Variants in ZNF385D observed in about 807,000 individuals in gnomAD.
The protein encoded by ZNF385D is zinc finger protein 659.
In ZNF385D, 15 loss-of-function variants were observed where a neutral mutation model predicts 35.8. The observed-to-expected ratio is 0.42, with a 90% CI of 0.28 to 0.64. The LOEUF is 0.64. Ranked by LOEUF, ZNF385D falls within the 30% of genes least tolerant of loss-of-function variation. ZNF385D has a pLI of 0.23. For synonymous variants in ZNF385D, 212 were observed against 186.8 expected (o/e 1.13, Z -1.10); for missense variants, 474 against 494.6 (o/e 0.96, Z 0.39).
At position 21,413,425 on chromosome 3, in the gene ZNF385D, T is replaced by C. The variant is rs935060982; in HGVS notation, c.*7789A>G. 1 of 152,074 alleles carries C rather than the reference T, an allele frequency of 6.6e-6. No homozygotes were observed. The highest frequency in any genetic ancestry group is 2.4e-5 in the African/African-American group (1 of 41,426). 9.4% of individuals were successfully genotyped at this position (152,074 alleles called of 1,614,324 possible). On this transcript the variant is annotated 3_prime_UTR_variant, in exon 8 of 8. Coordinates refer to ENST00000281523, the MANE Select transcript of ZNF385D (RefSeq NM_024697.3). ...CCAATGATTCGGAATCTCACATTGG[T>C]GTGACTAGTGATTATAGTTAAGTCA... is the stretch of plus-strand genomic sequence containing the variant.
intron 2 of ZNF385D, among the ~76,000 whole-genome samples, chr3:22,359,547 T>A (rs1221891365): frequency 6.6e-6 from 1 of 151,856 alleles, no homozygotes; most frequent in African/African-American, 2.4e-5. Context: ...TATTTAGTAA[T>A]ATATAATGAT....
Position 21,751,113 on chromosome 3 carries a change from G to A in ZNF385D, c.-197C>T. 2 of 1,467,214 alleles carry A rather than the reference G, an allele frequency of 1.4e-6. No individual in the cohort carries two copies. The highest frequency in any genetic ancestry group is 1.8e-6 in the Non-Finnish European group (2 of 1,109,498). 90.9% of individuals were successfully genotyped at this position (1,467,214 alleles called of 1,614,324 possible). ...CTTTCCAGGGCTAAGATCCCCGGCG[G>A]CTGGAGAGTGCGCTCGGGCTGCCTG... is the stretch of plus-strand genomic sequence containing the variant. On this transcript the variant is annotated 5_prime_UTR_variant, in exon 1 of 8. Coordinates refer to ENST00000281523, the MANE Select transcript of ZNF385D (RefSeq NM_024697.3).
At chr3:21,564,451 T>C in intron 3 of ZNF385D, 123 bp downstream of exon 3, 1 of 521,180 alleles carries the variant, frequency 1.9e-6, no homozygotes, top group Admixed American at 4.0e-5. Flanking sequence ...GTTAAAATGT[T>C]ATCTTTGAAT....
intron 4 of ZNF385D, among the ~76,000 whole-genome samples, chr3:21,442,667 C>CT (rs5847097): frequency 0.3 from 43,804 of 143,960 alleles, 7,685 homozygotes; most frequent in African/African-American, 0.5. Flanking sequence ...TATTTGTGGG[C>CT]TTTTTTTTTT....
chr3:22,246,343 T>TC (rs1179488838), intron 2 of ZNF385D, among the ~76,000 whole-genome samples: 1 of 152,112 alleles, frequency 6.6e-6, no homozygotes, highest in Non-Finnish European at 1.5e-5. Context: ...TGAAGCATGT[T>TC]CCCTACCACA....
chr3:21,997,866 C>CGTGTGTGTGTGTGTGTGTGT (rs1162271257), intron 3 of ZNF385D, among the ~76,000 whole-genome samples: 2 of 97,852 alleles, frequency 2.0e-5, no homozygotes, highest in South Asian at 7.6e-4. Context: ...GGCGCGCGCG[C>CGTGTGTGTGTGTGTGTGTGT]GCGCGCGTGT....
chr3:22,273,769 C>G (rs150922911), intron 2 of ZNF385D, among the ~76,000 whole-genome samples: 1 of 151,986 alleles, frequency 6.6e-6, no homozygotes, highest in Non-Finnish European at 1.5e-5. Context: ...CAAAACTATT[C>G]CACAGGATGA....
chr3:22,039,788 T>G (rs1295506344), intron 3 of ZNF385D, among the ~76,000 whole-genome samples: 2 of 151,982 alleles, frequency 1.3e-5, no homozygotes, highest in South Asian at 2.1e-4. Context: ...GTTTTAGGAG[T>G]TGAGTTTTTC....
At chr3:22,340,964 G>A (rs6550678) in intron 2 of ZNF385D, among the ~76,000 whole-genome samples, 13,097 of 152,058 alleles carry the variant, frequency 0.086, 997 homozygotes, top group African/African-American at 0.21. Context: ...GGTCAATGGC[G>A]GTCCAGGTCA....
chr3:21,441,597 T>TA, intron 4 of ZNF385D: 1 of 709,090 alleles, frequency 1.4e-6, no homozygotes, highest in African/African-American at 1.9e-5. Flanking sequence ...CAATTACGTA[T>TA]ATCCAAATAC....
chr3:21,514,351 C>A (rs1209250054), intron 3 of ZNF385D, among the ~76,000 whole-genome samples: 1 of 152,078 alleles, frequency 6.6e-6, no homozygotes, highest in South Asian at 2.1e-4. Flanking sequence ...AAAGCAGAAT[C>A]GAGTGATCAT....
chr3:21,749,137 T>C (rs2069929301), intron 1 of ZNF385D, among the ~76,000 whole-genome samples: 1 of 152,232 alleles, frequency 6.6e-6, no homozygotes. Context: ...GAGTAGAGTT[T>C]CATCTAAAGT....
intron 3 of ZNF385D, among the ~76,000 whole-genome samples, chr3:21,535,261 T>C (rs1032899868): frequency 6.6e-6 from 1 of 152,144 alleles, no homozygotes; most frequent in Non-Finnish European, 1.5e-5. Context: ...TCTTTTTCCT[T>C]TTTATTCATC....
chr3:22,194,802 C>T lies in ZNF385D; in HGVS notation c.107-25767G>A, dbSNP rs1696297697. 2.6e-5 allele frequency among the ~76,000 whole-genome samples: 4 copies of T among 151,778 alleles called. No homozygotes were observed. In the South Asian group the frequency reaches 8.3e-4, roughly 31 times the overall value. On this transcript the variant is annotated intron_variant, in intron 2 of 5. Transcript: ENST00000494108. ...AACTCAGGCTGATGGTTTTTAGATA[C>T]TTCCAAATTATGTGTATTAATAGGT...
chr3:21,932,729 G>C (rs1350869685), intron 3 of ZNF385D, among the ~76,000 whole-genome samples: 1 of 151,880 alleles, frequency 6.6e-6, no homozygotes, highest in Non-Finnish European at 1.5e-5. Flanking sequence ...AGCAGAATAG[G>C]TGAACAGATT....
chr3:22,347,114 C>T (rs1007022725), intron 2 of ZNF385D, among the ~76,000 whole-genome samples: 5 of 152,114 alleles, frequency 3.3e-5, no homozygotes, highest in South Asian at 2.1e-4. Flanking sequence ...ACATATTTTG[C>T]ACCATATTGT....
intron 2 of ZNF385D, among the ~76,000 whole-genome samples, chr3:22,353,028 C>T (rs1307084357): frequency 6.6e-6 from 1 of 152,092 alleles, no homozygotes; most frequent in Non-Finnish European, 1.5e-5. Flanking sequence ...CCTTATTCCA[C>T]CAAAGATAAG....
chr3:21,863,355 T>G (rs145240044), intron 3 of ZNF385D, among the ~76,000 whole-genome samples: 1,588 of 152,284 alleles, frequency 0.01, 12 homozygotes, highest in Middle Eastern at 0.02. Flanking sequence ...TTGTAATATA[T>G]TTTCTCTTTT....
intron 2 of ZNF385D, among the ~76,000 whole-genome samples, chr3:22,227,956 C>T (rs1460511276): frequency 6.6e-6 from 1 of 152,144 alleles, no homozygotes. Flanking sequence ...GTTGCTAACA[C>T]CCCAGCTCAC....
Sources: gnomAD v4.1 joint callset for allele counts (sites outside exome capture counted in the v4.1 genomes callset) on GRCh38, gnomAD v4.1.1 for gene constraint, MANE v1.5 for transcripts, NCBI Gene and HGNC (gene_info 2026-07-23, HGNC 2026-07-21) for gene names.